The following TMEM8B variants were observed in gnomAD, a reference collection of about 807,000 sequenced individuals.
TMEM8B encodes the protein nasopharyngeal carcinoma expressed 6.
A neutral mutation model predicts 49.3 loss-of-function variants in TMEM8B; 29 were observed. The observed-to-expected ratio is 0.59, with a 90% CI of 0.44 to 0.80. The LOEUF (loss-of-function observed/expected upper bound fraction) is 0.80. TMEM8B is among the 30% of genes least tolerant of loss of function. TMEM8B has a pLI of 0.00. For synonymous variants in TMEM8B, 264 were observed against 272.8 expected (o/e 0.97, Z 0.32); for missense variants, 575 against 658.5 (o/e 0.87, Z 1.39).
intron 3 of TMEM8B, among the ~76,000 whole-genome samples, chr9:35,837,585 C>T (rs991185513): frequency 2.0e-5 from 3 of 152,006 alleles, no homozygotes; most frequent in East Asian, 1.9e-4. Flanking sequence ...GTATCCTGAG[C>T]GTGATAGGGA....
Position 35,854,161 on chromosome 9 carries a change from T to C in TMEM8B, c.*321T>C. On this transcript the variant is annotated 3_prime_UTR_variant, in exon 13 of 13. Transcript: ENST00000643932. Reference sequence around the variant, plus strand: ...AGAGCCTTCCCAAGACATGGATTCCTTCCCAGGGAGACAAAGCCCTGTCAG... The same window carrying C: ...AGAGCCTTCCCAAGACATGGATTCCCTCCCAGGGAGACAAAGCCCTGTCAG... The C allele has an allele frequency of 2.2e-6, 1 of 462,208 alleles. No individual in the cohort carries two copies. The highest frequency in any genetic ancestry group is 3.2e-6 in the Non-Finnish European group (1 of 316,986). The allele number at this position is 462,208 out of a possible 1,614,324, so 28.6% of individuals were successfully genotyped here.
At position 35,829,438 on chromosome 9, in the gene TMEM8B, G is replaced by T. The variant is rs1017166127; in HGVS notation, c.-10G>T. On this transcript the variant is annotated 5_prime_UTR_variant, in exon 1 of 13. Transcript: ENST00000643932. ...CGCTGGCCTGTCCGGCCCCGCCCCC[G>T]CCCCGGGCCATGGCCCAGCCCTTGT... The T allele has an allele frequency of 4.0e-5, 6 of 151,456 alleles. No individual in the cohort carries two copies. The highest frequency in any genetic ancestry group is 6.9e-5 in the Non-Finnish European group (6 of 86,904). 9.4% of individuals were successfully genotyped at this position (151,456 alleles called of 1,614,324 possible). A position where few individuals can be genotyped will look rare whatever the true frequency, so the allele number is the denominator to read the frequency against.
At position 35,855,398 on chromosome 9, in the gene TMEM8B, T is replaced by C. The variant is rs1213611508; in HGVS notation, c.*1558T>C. On this transcript the variant is annotated 3_prime_UTR_variant, in exon 13 of 13. Coordinates refer to ENST00000643932, the MANE Select transcript of TMEM8B (RefSeq NM_001042590.4). ...GCCTTACTTAATGTTTTCTCCTGAA[T>C]CTTTTTTTTTTTGAGACGGAGTTTT... The C allele has an allele frequency of 1.3e-5, 2 of 151,814 alleles. No homozygotes were observed. The highest frequency in any genetic ancestry group is 4.9e-5 in the African/African-American group (2 of 40,970). The allele number at this position is 151,814 out of a possible 1,614,324, so 9.4% of individuals were successfully genotyped here.
chr9:35,846,818 G>A lies in TMEM8B; in HGVS notation c.1998G>A (p.Gly666=), dbSNP rs1207331633. Residue 666 remains glycine (G), a splice_region_variant and synonymous_variant, in exon 10 of 13, where the codon GGG becomes GGA. Transcript: ENST00000643932. Reference sequence around the variant, plus strand: ...ATTCTGTGCCTTCCCCACCCGCAGGGTGGAGAGGCTGGGGCTGCACCGACA... The same window carrying A: ...ATTCTGTGCCTTCCCCACCCGCAGGATGGAGAGGCTGGGGCTGCACCGACA... ...YLYAACECKA[G]WRGWGCTDSA... 6.2e-7 allele frequency: 1 copy of A among 1,611,878 alleles called. No individual in the cohort carries two copies. The highest frequency in any genetic ancestry group is 8.5e-7 in the Non-Finnish European group (1 of 1,178,780).
intron 1 of TMEM8B, among the ~76,000 whole-genome samples, chr9:35,833,737 C>A (rs906312302): frequency 6.6e-6 from 1 of 152,166 alleles, no homozygotes; most frequent in Non-Finnish European, 1.5e-5. Context: ...ACCTGGGAGG[C>A]CTGATGACTC....
At chr9:35,847,289 T>C (rs1439621773) in intron 10 of TMEM8B, 3 of 776,938 alleles carry the variant, frequency 3.9e-6, no homozygotes, top group South Asian at 1.6e-5. Context: ...ACTCAAATCA[T>C]GGGCCAAGAA....
chr9:35,846,415 C>T (rs371731130), intron 8 of TMEM8B, 34 bp downstream of exon 8: 3 of 1,600,738 alleles, frequency 1.9e-6, no homozygotes, highest in Non-Finnish European at 1.7e-6. Context: ...GGGCTGGGAC[C>T]GGGACTTGGC....
intron 3 of TMEM8B, among the ~76,000 whole-genome samples, chr9:35,835,928 G>A (rs371045872): frequency 2.0e-4 from 30 of 152,240 alleles, no homozygotes; most frequent in South Asian, 6.2e-4. Flanking sequence ...CCACTCTCAT[G>A]GATTAGGCCA....
In TMEM8B at chr9:35,841,919, C is replaced by T. The variant is rs1427336314; in HGVS notation, c.1309+125C>T. 1.9e-4 allele frequency: 79 copies of T among 409,874 alleles called. 1 individual carries two copies. Among genetic ancestry groups the T allele is most frequent in the Non-Finnish European group, 4.4e-6 (1 of 226,102 alleles). The allele number at this position is 409,874 out of a possible 1,614,324, so 25.4% of individuals were successfully genotyped here. A position where few individuals can be genotyped will look rare whatever the true frequency, so the allele number is the denominator to read the frequency against. On this transcript the variant is annotated intron_variant, in intron 5 of 12. Transcript: ENST00000643932. The surrounding 1 kb of genome is among the most constrained non-coding windows in gnomAD (Gnocchi z 5.9). ...CTCCCCTCCCCATCCCAAGCTCCTT[C>T]ATGCTCCCTGAAGCCATCACACTTG...
rs1397786225 is a variant in TMEM8B at position 35,857,435 on chromosome 9, C to A, written c.*3595C>A. The A allele has an allele frequency of 6.6e-6, 1 of 152,222 alleles. No individual in the cohort carries two copies. The highest frequency in any genetic ancestry group is 1.5e-5 in the Non-Finnish European group (1 of 68,066). The allele number at this position is 152,222 out of a possible 1,614,324, so 9.4% of individuals were successfully genotyped here. On this transcript the variant is annotated 3_prime_UTR_variant, in exon 13 of 13. Coordinates refer to ENST00000643932, the MANE Select transcript of TMEM8B (RefSeq NM_001042590.4). ...GTCTAACCTAGCTTTGAAAACTAGT[C>A]CCAGCTATTATCAGAGAACAGCACA...
intron 1 of TMEM8B, 38 bp downstream of exon 1, chr9:35,829,993 G>C (rs2132183231): frequency 2.4e-6 from 1 of 415,312 alleles, no homozygotes; most frequent in Non-Finnish European, 4.4e-6. Flanking sequence ...GCAGGAATGG[G>C]GTTCCGGCAG....
intron 1 of TMEM8B, among the ~76,000 whole-genome samples, chr9:35,832,197 G>GTT (rs1554679527): frequency 2.5e-4 from 38 of 149,722 alleles, no homozygotes; most frequent in Admixed American, 8.0e-4. Context: ...GTGTGTGTGT[G>GTT]TGTATGTGTA....
chr9:35,851,558 A>G (rs1346721910), intron 10 of TMEM8B, among the ~76,000 whole-genome samples: 1 of 152,366 alleles, frequency 6.6e-6, no homozygotes, highest in Non-Finnish European at 1.5e-5. Context: ...CATGTCCCCA[A>G]AATAACAAGC....
rs1832718054 is a variant in TMEM8B at position 35,865,245 on chromosome 9, G to A, written c.*11405G>A. ...CCTGGGTGTCTGGGTTGTGAAATGG[G>A]GTGTCTCCTTCCAGGATTGCCGTAA... On this transcript the variant is annotated 3_prime_UTR_variant, in exon 13 of 13. Coordinates refer to ENST00000643932, the MANE Select transcript of TMEM8B (RefSeq NM_001042590.4). 6.6e-6 allele frequency: 1 copy of A among 152,168 alleles called. No homozygotes were observed. Among genetic ancestry groups the A allele is most frequent in the Admixed American group, 6.5e-5 (1 of 15,274 alleles). The allele number at this position is 152,168 out of a possible 1,614,324, so 9.4% of individuals were successfully genotyped here.
Position 35,834,670 on chromosome 9 carries a change from TCCCAA to T in TMEM8B, c.698+24_698+28del. On this transcript the variant is annotated intron_variant, in intron 2 of 12. Transcript: ENST00000643932. ...GACTGTGTGAGTGTCTGAGTTAATTTCCCAACCCCACTTCCAATCCCTGACCACTT... is the reference window on the plus strand; with the variant it reads ...GACTGTGTGAGTGTCTGAGTTAATTTCCCCACTTCCAATCCCTGACCACTT... 1 of 415,660 alleles carries T rather than the reference TCCCAA, an allele frequency of 2.4e-6. No individual in the cohort carries two copies. The highest frequency in any genetic ancestry group is 3.6e-5 in the East Asian group (1 of 28,068). The allele number at this position is 415,660 out of a possible 1,614,324, so 25.7% of individuals were successfully genotyped here.
At chr9:35,838,351 G>A (rs1004454946) in intron 3 of TMEM8B, among the ~76,000 whole-genome samples, 3 of 151,766 alleles carry the variant, frequency 2.0e-5, no homozygotes, top group Non-Finnish European at 2.9e-5. Context: ...TTCCCTTCTT[G>A]GCCTCTGTGA....
In TMEM8B at chr9:35,842,370, T is replaced by C. The variant is rs1031534224; in HGVS notation, c.1310-22T>C. ...GACTGTAAAGGCTGCAGGCCCAAGC[T>C]CTGGTTTCCTCTGCCCCACAGAGTG... On this transcript the variant is annotated intron_variant, in intron 5 of 12. Transcript: ENST00000643932. This position sits in a 1 kb window ranked among gnomAD's most constrained non-coding sequence, Gnocchi z 5.6. The C allele has an allele frequency of 4.0e-6, 6 of 1,484,898 alleles. No homozygotes were observed. Among genetic ancestry groups the C allele is most frequent in the South Asian group, 2.8e-5 (2 of 71,892 alleles). 92.0% of individuals were successfully genotyped at this position (1,484,898 alleles called of 1,614,324 possible).
At position 35,853,494 on chromosome 9, in the gene TMEM8B, G is replaced by C. The variant is rs771765410; in HGVS notation, c.2440-11G>C. 1.2e-6 allele frequency: 2 copies of C among 1,604,196 alleles called. No individual in the cohort carries two copies. The highest frequency in any genetic ancestry group is 4.5e-5 in the East Asian group (2 of 44,788). ...TGGCATTCCTGAGCCCCACTTCTCT[G>C]TCTCCCCCAGACAGTACGCAGCGTC... On this transcript the variant is annotated splice_polypyrimidine_tract_variant and intron_variant, in intron 12 of 12. Transcript: ENST00000643932. This position sits in a 1 kb window ranked among gnomAD's most constrained non-coding sequence, Gnocchi z 4.2.
chr9:35,832,101 T>A (rs1428105330), intron 1 of TMEM8B, among the ~76,000 whole-genome samples: 2 of 152,058 alleles, frequency 1.3e-5, no homozygotes, highest in South Asian at 2.1e-4. Flanking sequence ...CAAAAAAAAA[T>A]GGGCTTTTAT....
Sources: gnomAD v4.1 joint callset for allele counts (sites outside exome capture counted in the v4.1 genomes callset) on GRCh38, gnomAD v4.1.1 for gene constraint, Gnocchi (gnomAD v3.1) non-coding constraint, MANE v1.5 for transcripts, NCBI Gene and HGNC (gene_info 2026-07-23, HGNC 2026-07-21) for gene names.